Variants in CASK observed in about 807,000 individuals in gnomAD.
CASK encodes calcium/calmodulin dependent serine protein kinase.
CASK carries 4 observed loss-of-function variants against 82.9 expected under a neutral mutation model. The ratio of observed to expected loss-of-function variants is 0.05; its 90% CI spans 0.02 to 0.11. The LOEUF is 0.11. Among genes scored for constraint, CASK ranks in the 10% least tolerant of loss-of-function variants. CASK has a pLI of 1.00. For missense variants in CASK, 358 were observed against 720.9 expected (o/e 0.50, Z 5.76); for synonymous variants, 259 against 253.5 (o/e 1.02, Z -0.20).
intron 3 of CASK, among the ~76,000 whole-genome samples, chrX:41,773,569 TG>T (rs2069288418): frequency 9.0e-6 from 1 of 110,806 alleles, no homozygotes; most frequent in Admixed American, 9.7e-5. Flanking sequence ...TATAGTCATG[TG>T]TTGCTAACGA....
intron 14 of CASK, chrX:41,584,480 T>C (rs1204719388): frequency 3.7e-5 from 1 of 26,818 alleles, no homozygotes; most frequent in Non-Finnish European, 6.8e-5. Flanking sequence ...GCAGGGTGGG[T>C]GGGGGTGGGG....
intron 21 of CASK, among the ~76,000 whole-genome samples, chrX:41,544,035 G>A (rs956400042): frequency 8.9e-6 from 1 of 111,870 alleles, no homozygotes; most frequent in African/African-American, 3.2e-5. Flanking sequence ...GTCTGTTCAA[G>A]TCTTTTGACC....
At chrX:41,588,887 C>T (rs186411860) in intron 13 of CASK, among the ~76,000 whole-genome samples, 17 of 110,785 alleles carry the variant, frequency 1.5e-4, no homozygotes, top group East Asian at 1.4e-3. Flanking sequence ...TATTATATAA[C>T]GGTAGGTTAA....
At chrX:41,640,242 C>T (rs1029577516) in intron 8 of CASK, among the ~76,000 whole-genome samples, 5 of 109,209 alleles carry the variant, frequency 4.6e-5, no homozygotes, top group East Asian at 5.7e-4. Flanking sequence ...CTTGCTCTGT[C>T]GCCTAGGCTG....
intron 5 of CASK, among the ~76,000 whole-genome samples, chrX:41,734,353 T>C (rs1202790075): frequency 9.0e-6 from 1 of 111,106 alleles, no homozygotes; most frequent in Non-Finnish European, 1.9e-5. Context: ...GAGGAGAAAA[T>C]TCCACAAACT....
At chrX:41,844,688 T>C (rs1044568160) in intron 2 of CASK, among the ~76,000 whole-genome samples, 1 of 111,835 alleles carries the variant, frequency 8.9e-6, no homozygotes. Context: ...ATTGTTTTTC[T>C]AGTCTCTATG....
intron 5 of CASK, chrX:41,697,060 A>T: frequency 4.5e-6 from 1 of 221,339 alleles, no homozygotes; most frequent in Non-Finnish European, 8.6e-6. Flanking sequence ...AAAGTGCCAT[A>T]GTTTCTCAAG....
At chrX:41,637,378 C>CTTTTTTT (rs758261036) in intron 8 of CASK, among the ~76,000 whole-genome samples, 2 of 36,892 alleles carry the variant, frequency 5.4e-5, no homozygotes, top group Non-Finnish European at 8.7e-5. Context: ...TTAGGACACG[C>CTTTTTTT]TTTTTTTTTT....
chrX:41,720,550 C>A (rs891830909), intron 5 of CASK, among the ~76,000 whole-genome samples: 1 of 112,269 alleles, frequency 8.9e-6, no homozygotes, highest in African/African-American at 3.2e-5. Context: ...TTTCTGCATA[C>A]CAGCCTCCCA....
At chrX:41,568,666 G>C (rs947955692) in intron 16 of CASK, among the ~76,000 whole-genome samples, 2 of 111,635 alleles carry the variant, frequency 1.8e-5, no homozygotes, top group Non-Finnish European at 3.8e-5. Context: ...TCCAAACCCT[G>C]CCCATCCTTG....
intron 5 of CASK, chrX:41,696,651 C>A: frequency 8.3e-7 from 1 of 1,210,141 alleles, no homozygotes; most frequent in South Asian, 1.8e-5. Context: ...AATAATGTGC[C>A]AACTTCTTTT....
chrX:41,893,610 G>A (rs1250872067), intron 1 of CASK, among the ~76,000 whole-genome samples: 2 of 111,713 alleles, frequency 1.8e-5, no homozygotes, highest in Non-Finnish European at 3.8e-5. Context: ...TGAAAGCCAA[G>A]GCAGACTTTT....
At chrX:41,823,801 C>G (rs2070600363) in intron 2 of CASK, among the ~76,000 whole-genome samples, 2 of 111,356 alleles carry the variant, frequency 1.8e-5, no homozygotes, top group African/African-American at 6.5e-5. Flanking sequence ...GATCATTCCT[C>G]ATGACCATTT....
chrX:41,832,269 G>C (rs2070838268), intron 2 of CASK, among the ~76,000 whole-genome samples: 1 of 111,707 alleles, frequency 9.0e-6, no homozygotes, highest in African/African-American at 3.3e-5. Context: ...ACTTGGGCAT[G>C]TCTCTTCAGG....
intron 5 of CASK, among the ~76,000 whole-genome samples, chrX:41,677,411 G>T (rs1351016921): frequency 1.8e-5 from 2 of 111,850 alleles, no homozygotes; most frequent in Non-Finnish European, 3.8e-5. Context: ...AGACAGTGAA[G>T]CAGGAGGAAA....
intron 2 of CASK, among the ~76,000 whole-genome samples, chrX:41,819,797 T>C (rs1411753930): frequency 9.0e-6 from 1 of 111,463 alleles, no homozygotes; most frequent in Non-Finnish European, 1.9e-5. Flanking sequence ...CAAAATTCAA[T>C]CAATGTAAGT....
intron 2 of CASK, among the ~76,000 whole-genome samples, chrX:41,849,153 C>G (rs926322689): frequency 3.6e-5 from 4 of 111,567 alleles, no homozygotes; most frequent in Non-Finnish European, 7.5e-5. Flanking sequence ...ATTTATAATA[C>G]TCCCAAATAA....
chrX:41,794,877 T>C (rs763302422), intron 2 of CASK, among the ~76,000 whole-genome samples: 12 of 112,696 alleles, frequency 1.1e-4, no homozygotes, highest in Non-Finnish European at 2.2e-4. Context: ...TCTATATTTA[T>C]TAACTGATAG....
intron 2 of CASK, among the ~76,000 whole-genome samples, chrX:41,787,567 A>G (rs1335183729): frequency 9.2e-6 from 1 of 108,982 alleles, no homozygotes; most frequent in Admixed American, 9.8e-5. Context: ...AAAAAAAAAA[A>G]CAAACCACAA....
Sources: allele counts gnomAD v4.1 joint callset (sites outside exome capture counted in the v4.1 genomes callset), GRCh38; gene constraint gnomAD v4.1.1; transcripts MANE v1.5; gene names NCBI Gene and HGNC (gene_info 2026-07-23, HGNC 2026-07-21).